Variants in VBP1 observed in about 807,000 individuals in gnomAD.
VBP1 encodes prefoldin subunit 3.
VBP1 carries 4 observed loss-of-function variants against 15.5 expected under a neutral mutation model. The ratio of observed to expected loss-of-function variants is 0.26; its 90% confidence interval spans 0.13 to 0.59. The LOEUF is 0.59. Among genes scored for constraint, VBP1 ranks in the 20% least tolerant of loss-of-function variants. The pLI, the probability that VBP1 is intolerant of heterozygous loss-of-function variation, is 0.90. For missense variants in VBP1, 108 were observed against 139.6 expected, an observed-to-expected ratio of 0.77 and a Z score of 1.14; for synonymous variants, 61 against 52.1, an observed-to-expected ratio of 1.17 and a Z score of -0.74.
chrX:155,202,621 A>C, intron 1 of VBP1, among the ~76,000 whole-genome samples: 1 of 107,664 alleles, frequency 9.3e-6, no homozygotes, highest in Non-Finnish European at 1.9e-5. Flanking sequence ...GATGGAGTAA[A>C]GACTTAAACG....
chrX:155,227,813 C>T (rs2074726171), intron 3 of VBP1, among the ~76,000 whole-genome samples: 2 of 112,093 alleles, frequency 1.8e-5, no homozygotes, highest in Admixed American at 1.9e-4. Context: ...TCTTCTAAGT[C>T]TTAATCCAGT....
At chrX:155,219,810 C>G (rs1215014814) in intron 1 of VBP1, among the ~76,000 whole-genome samples, 1 of 110,634 alleles carries the variant, frequency 9.0e-6, no homozygotes, top group Non-Finnish European at 1.9e-5. Context: ...TTTATAACTA[C>G]AGGTTGAGCA....
chrX:155,231,293 C>T (rs782005824), intron 4 of VBP1, among the ~76,000 whole-genome samples: 85 of 111,950 alleles, frequency 7.6e-4, no homozygotes, highest in Non-Finnish European at 1.3e-3. Context: ...GTTCCTGGAA[C>T]CTGCCAGTGT....
upstream of VBP1, among the ~76,000 whole-genome samples, chrX:155,214,747 GGT>G (rs1491474599): frequency 7.1e-3 from 92 of 12,911 alleles, no homozygotes; most frequent in East Asian, 0.048. Context: ...GCAAGAGGAA[GGT>G]TTTTTTTTTT....
At chrX:155,238,473 A>G (rs2074784212) in intron 5 of VBP1, among the ~76,000 whole-genome samples, 1 of 112,211 alleles carries the variant, frequency 8.9e-6, no homozygotes, top group African/African-American at 3.2e-5. Flanking sequence ...AAAACTATCG[A>G]GAGTGTCTAG....
At chrX:155,224,273 C>T (rs1196825822) in intron 2 of VBP1, among the ~76,000 whole-genome samples, 5 of 111,331 alleles carry the variant, frequency 4.5e-5, no homozygotes, top group Admixed American at 9.4e-5. Context: ...GAGGTTGTAG[C>T]GAGCCGAGAT....
At chrX:155,231,663 C>T (rs554196) in intron 4 of VBP1, among the ~76,000 whole-genome samples, 64 of 112,404 alleles carry the variant, frequency 5.7e-4, no homozygotes, top group Non-Finnish European at 1.2e-3. Context: ...CATGTCTGTA[C>T]ATCTGTATGT....
At chrX:155,205,116 A>G (rs1383358599) in intron 1 of VBP1, among the ~76,000 whole-genome samples, 1 of 112,017 alleles carries the variant, frequency 8.9e-6, no homozygotes, top group African/African-American at 3.2e-5. Context: ...TTAGTTAAAA[A>G]TTGTTTGTAA....
In VBP1 at chrX:155,228,379, TGAAGGA is replaced by T; in HGVS notation, c.286-3_288del. ...GGTACTGTCATTTTTTTTTTTGTTT[TGAAGGA>T]GTCCACCAACTCAATGGAGACCAGA... On this transcript the variant is annotated splice_acceptor_variant and splice_polypyrimidine_tract_variant and coding_sequence_variant and intron_variant, in exon 4 of 6. Transcript: ENST00000286428. LOFTEE classifies it high-confidence loss of function. 1 of 1,201,309 alleles carries T rather than the reference TGAAGGA, an allele frequency of 8.3e-7. No homozygotes were observed. The highest frequency in any genetic ancestry group is 1.1e-6 in the Non-Finnish European group (1 of 890,950).
Position 155,220,301 on chromosome X carries a change from A to G in VBP1, c.212A>G (p.Lys71Arg), listed in dbSNP as rs1557309458. ...KFMELNLAQK[K>R]RRLKGQIPEI... is the part of the protein sequence containing the mutation. ...ATGGAACTCAACCTTGCTCAAAAGA[A>G]AAGAAGGTAAGTGTAAAAATTTCTA... The change falls in exon 2 of 6, where the codon AAA becomes AGA. Residue 71 changes from lysine (K) to arginine (R), a missense_variant. By Grantham distance (26) the Lys-to-Arg change is conservative. Coordinates refer to ENST00000286428, the MANE Select transcript of VBP1 (RefSeq NM_003372.7). The G allele has an allele frequency of 1.7e-6, 2 of 1,160,890 alleles. No homozygotes were observed. Among genetic ancestry groups the G allele is most frequent in the Non-Finnish European group, 2.3e-6 (2 of 874,204 alleles).
intron 4 of VBP1, among the ~76,000 whole-genome samples, chrX:155,235,877 T>A (rs1043729572): frequency 6.2e-5 from 7 of 112,214 alleles, no homozygotes; most frequent in Non-Finnish European, 9.4e-5. Flanking sequence ...ACCTGAGCCT[T>A]CATTTCTTTA....
At chrX:155,202,275 A>G (rs1557307580) in intron 1 of VBP1, among the ~76,000 whole-genome samples, 1 of 111,669 alleles carries the variant, frequency 9.0e-6, no homozygotes, top group Admixed American at 9.5e-5. Flanking sequence ...TTCATATGGA[A>G]CCAAAAAAGA....
At chrX:155,235,586 A>G (rs1557311461) in intron 4 of VBP1, among the ~76,000 whole-genome samples, 3 of 111,995 alleles carry the variant, frequency 2.7e-5, no homozygotes, top group Non-Finnish European at 3.8e-5. Flanking sequence ...AATGACAGAC[A>G]CATTACCTTG....
chrX:155,199,207 TC>T (rs2074591444), intron 1 of VBP1, among the ~76,000 whole-genome samples: 2 of 110,749 alleles, frequency 1.8e-5, no homozygotes, highest in South Asian at 7.6e-4. Context: ...CAGGAGAACT[TC>T]CCCAATCTAG....
At chrX:155,205,394 A>G (rs1168667061) in intron 1 of VBP1, among the ~76,000 whole-genome samples, 2 of 111,796 alleles carry the variant, frequency 1.8e-5, no homozygotes, top group African/African-American at 6.5e-5. Context: ...AGCCTTCCCA[A>G]TCACAGCTGA....
At chrX:155,234,512 A>G (rs1557311305) in intron 4 of VBP1, among the ~76,000 whole-genome samples, 1 of 111,588 alleles carries the variant, frequency 9.0e-6, no homozygotes. Flanking sequence ...CACGCAAAGC[A>G]TTCTTAGAAT....
At chrX:155,236,109 A>C in intron 4 of VBP1, 120 bp from the exon 5 acceptor site, 1 of 809,708 alleles carries the variant, frequency 1.2e-6, no homozygotes, top group Non-Finnish European at 1.7e-6. Context: ...GTGAAACTTA[A>C]CTTACAACAA....
chrX:155,238,246 G>A (rs1557311822), intron 5 of VBP1, among the ~76,000 whole-genome samples: 1 of 111,891 alleles, frequency 8.9e-6, no homozygotes, highest in Admixed American at 9.5e-5. Context: ...ACATTCTACT[G>A]GAGTCTAAGC....
chrX:155,202,962 A>G (rs1437684620), intron 1 of VBP1, among the ~76,000 whole-genome samples: 3 of 112,041 alleles, frequency 2.7e-5, no homozygotes, highest in Non-Finnish European at 5.6e-5. Context: ...ATGAACAGAC[A>G]CTTCTCAAAA....
Sources: allele counts gnomAD v4.1 joint callset (sites outside exome capture counted in the v4.1 genomes callset), GRCh38; gene constraint gnomAD v4.1.1; transcripts MANE v1.5; gene names NCBI Gene and HGNC (gene_info 2026-07-23, HGNC 2026-07-21).